Variants in PEX3 observed in about 807,000 individuals in gnomAD.
The protein encoded by PEX3 is peroxisomal biogenesis factor 3, also known as peroxin-3.
In PEX3, 30 loss-of-function variants were observed where a neutral mutation model predicts 55.8. The observed-to-expected ratio is 0.54, with a 90% CI of 0.40 to 0.73. The LOEUF (loss-of-function observed/expected upper bound fraction) is 0.73, where lower values mean the gene tolerates loss of function less well. Ranked by LOEUF, PEX3 falls within the 30% of genes least tolerant of loss-of-function variation. PEX3 has a pLI of 0.00. For synonymous variants in PEX3, 135 were observed against 148.4 expected (o/e 0.91, Z 0.66); for missense variants, 351 against 432.8 (o/e 0.81, Z 1.68).
rs1485736719 is a variant in PEX3 at position 143,485,460 on chromosome 6, A to C, written c.1038+212A>C. Reference sequence around the variant, plus strand: ...TTTGGAGTACCTTTCTCCGTGTTGTAGTCCAACACTGTGGGACTACATTTT... The same window carrying C: ...TTTGGAGTACCTTTCTCCGTGTTGTCGTCCAACACTGTGGGACTACATTTT... On this transcript the variant is annotated intron_variant, in intron 11 of 11. Coordinates refer to ENST00000367591, the MANE Select transcript of PEX3 (RefSeq NM_003630.3). The surrounding 1 kb of genome is among the most constrained non-coding windows in gnomAD (Gnocchi z 5.6). Among the ~76,000 whole-genome samples the C allele has an allele frequency of 6.6e-6, 1 of 152,086 alleles. No homozygotes were observed. Among genetic ancestry groups the C allele is most frequent in the Non-Finnish European group, 1.5e-5 (1 of 67,988 alleles).
At chr6:143,467,573 T>A (rs1323688372) in intron 3 of PEX3, among the ~76,000 whole-genome samples, 3 of 152,072 alleles carry the variant, frequency 2.0e-5, no homozygotes, top group Non-Finnish European at 4.4e-5. Context: ...GAATAAGTTT[T>A]CATGTCAGAA....
intron 3 of PEX3, among the ~76,000 whole-genome samples, chr6:143,467,525 T>C (rs1780008892): frequency 6.6e-6 from 1 of 152,122 alleles, no homozygotes; most frequent in Admixed American, 6.5e-5. Context: ...AAATTGGTGA[T>C]ATCAAGTCTG....
At position 143,466,272 on chromosome 6, in the gene PEX3, T is replaced by C. The variant is rs1392802066; in HGVS notation, c.288-1850T>C. On this transcript the variant is annotated intron_variant, in intron 3 of 11. Coordinates refer to ENST00000367591, the MANE Select transcript of PEX3 (RefSeq NM_003630.3). This position sits in a 1 kb window ranked among gnomAD's most constrained non-coding sequence, Gnocchi z 5.4. The stretch of plus-strand genomic sequence containing the variant: ...TTCCAGAAATAAACAATTCCTAAGC[T>C]TTCAGTTGTGTGCCATTGTGAATAA... Among the ~76,000 whole-genome samples, 3 of 152,068 alleles carry C rather than the reference T, an allele frequency of 2.0e-5. No homozygotes were observed. Among genetic ancestry groups the C allele is most frequent in the Non-Finnish European group, 4.4e-5 (3 of 67,916 alleles).
At position 143,451,179 on chromosome 6, in the gene PEX3, A is replaced by G; in HGVS notation, c.73+64A>G. ...GGGGGTGGGAGAGGTGACTTCTTCTAAAATAAGGACAGGCCGGGCGATCCT... is the reference window on the plus strand; with the variant it reads ...GGGGGTGGGAGAGGTGACTTCTTCTGAAATAAGGACAGGCCGGGCGATCCT... On this transcript the variant is annotated intron_variant, in intron 1 of 11. Transcript: ENST00000367591. This position sits in a 1 kb window ranked among gnomAD's most constrained non-coding sequence, Gnocchi z 4.1. 8.8e-7 allele frequency: 1 copy of G among 1,135,896 alleles called. No individual in the cohort carries two copies. Among genetic ancestry groups the G allele is most frequent in the Non-Finnish European group, 1.3e-6 (1 of 745,110 alleles). 70.4% of individuals were successfully genotyped at this position (1,135,896 alleles called of 1,614,324 possible). A position where few individuals can be genotyped will look rare whatever the true frequency, so the allele number is the denominator to read the frequency against.
In PEX3 at chr6:143,462,788, G is replaced by T; in HGVS notation, c.206-128G>T. 1.4e-6 allele frequency: 1 copy of T among 723,166 alleles called. No homozygotes were observed. Among genetic ancestry groups the T allele is most frequent in the Non-Finnish European group, 2.6e-6 (1 of 391,588 alleles). 44.8% of individuals were successfully genotyped at this position (723,166 alleles called of 1,614,324 possible). A position where few individuals can be genotyped will look rare whatever the true frequency, so the allele number is the denominator to read the frequency against. Reference sequence around the variant, plus strand: ...TAATAATAATAATTTGAATCGTCTAGCCCTGACTTTCCCTTCTGACTCTTG... The same window carrying T: ...TAATAATAATAATTTGAATCGTCTATCCCTGACTTTCCCTTCTGACTCTTG... On this transcript the variant is annotated intron_variant, in intron 2 of 11. Transcript: ENST00000367591. This position sits in a 1 kb window ranked among gnomAD's most constrained non-coding sequence, Gnocchi z 4.1.
Position 143,489,239 on chromosome 6 carries a change from G to A in PEX3, c.*13G>A. On this transcript the variant is annotated 3_prime_UTR_variant, in exon 12 of 12. Coordinates refer to ENST00000367591, the MANE Select transcript of PEX3 (RefSeq NM_003630.3). The surrounding 1 kb of genome is among the most constrained non-coding windows in gnomAD (Gnocchi z 5.5). ...ACTGGAGAAATGATTTTTCCTTCAA[G>A]AAAAACTACAGTGGGATTCATTTAC... 1 of 1,435,674 alleles carries A rather than the reference G, an allele frequency of 7.0e-7. No homozygotes were observed. Among genetic ancestry groups the A allele is most frequent in the South Asian group, 1.1e-5 (1 of 87,530 alleles). 88.9% of individuals were successfully genotyped at this position (1,435,674 alleles called of 1,614,324 possible). A position where few individuals can be genotyped will look rare whatever the true frequency, so the allele number is the denominator to read the frequency against.
At position 143,482,197 on chromosome 6, in the gene PEX3, A is replaced by G. The variant is rs1780250876; in HGVS notation, c.942-2955A>G. Among the ~76,000 whole-genome samples, 1 of 152,146 alleles carries G rather than the reference A, an allele frequency of 6.6e-6. No homozygotes were observed. The stretch of plus-strand genomic sequence containing the variant: ...TTTTTTCTATACTTATATCTTGAAA[A>G]TAGGTAACTTTTACTGTTGGATAGC... On this transcript the variant is annotated intron_variant, in intron 10 of 11. Transcript: ENST00000367591. This position sits in a 1 kb window ranked among gnomAD's most constrained non-coding sequence, Gnocchi z 5.5.
chr6:143,480,295 T>C (rs1199826704), intron 10 of PEX3, among the ~76,000 whole-genome samples: 3 of 152,208 alleles, frequency 2.0e-5, no homozygotes, highest in African/African-American at 4.8e-5. Flanking sequence ...AATCTGTATA[T>C]AGCAAGATAT....
At chr6:143,468,808 C>CCA (rs1562653849) in intron 4 of PEX3, among the ~76,000 whole-genome samples, 3 of 16,588 alleles carry the variant, frequency 1.8e-4, no homozygotes. Context: ...CTATCCCCCC[C>CCA]CCCCCCACCC....
rs893553969 is a variant in PEX3, at chr6:143,466,491, A to G, written c.288-1631A>G. 1.3e-5 allele frequency among the ~76,000 whole-genome samples: 2 copies of G among 152,042 alleles called. No homozygotes were observed. Among genetic ancestry groups the G allele is most frequent in the African/African-American group, 4.8e-5 (2 of 41,424 alleles). On this transcript the variant is annotated intron_variant, in intron 3 of 11. Coordinates refer to ENST00000367591, the MANE Select transcript of PEX3 (RefSeq NM_003630.3). The surrounding 1 kb of genome is among the most constrained non-coding windows in gnomAD (Gnocchi z 5.4). Reference sequence around the variant, plus strand: ...GATGCTGGCATATTACGGTTGTGCTATTTTATTGTGAGTTATTGTTGTTAA... The same window carrying G: ...GATGCTGGCATATTACGGTTGTGCTGTTTTATTGTGAGTTATTGTTGTTAA...
At position 143,453,235 on chromosome 6, in the gene PEX3, T is replaced by C. The variant is rs1442364635; in HGVS notation, c.73+2120T>C. 6.6e-6 allele frequency among the ~76,000 whole-genome samples: 1 copy of C among 152,180 alleles called. No individual in the cohort carries two copies. The highest frequency in any genetic ancestry group is 1.5e-5 in the Non-Finnish European group (1 of 68,034). On this transcript the variant is annotated intron_variant, in intron 1 of 11. Coordinates refer to ENST00000367591, the MANE Select transcript of PEX3 (RefSeq NM_003630.3). The surrounding 1 kb of genome is among the most constrained non-coding windows in gnomAD (Gnocchi z 4.6). ...GTACAGATCACACTGGCAAGTAGCA[T>C]ATGCAGTTGTGAAAAATCAGGAAGA... is the stretch of plus-strand genomic sequence containing the variant.
intron 8 of PEX3, among the ~76,000 whole-genome samples, chr6:143,473,116 A>T (rs1780098071): frequency 6.6e-6 from 1 of 152,200 alleles, no homozygotes; most frequent in Non-Finnish European, 1.5e-5. Context: ...GAGGCCCCCT[A>T]TGCCATACCT....
intron 4 of PEX3, among the ~76,000 whole-genome samples, chr6:143,470,191 G>A (rs564372882): frequency 4.6e-5 from 7 of 152,050 alleles, no homozygotes; most frequent in Admixed American, 1.3e-4. Context: ...CTTGTGATCC[G>A]CCCGCCTCGG....
rs143161143 is a variant in PEX3, at chr6:143,465,704, G to A, written c.288-2418G>A. Among the ~76,000 whole-genome samples the A allele has an allele frequency of 2.7e-4, 41 of 152,040 alleles. No individual in the cohort carries two copies. In the East Asian group the frequency reaches 4.8e-3, roughly 18 times the overall value. ...ATCCGAATACATATGACATTCTGCC[G>A]TGAGTCTTGAACACTAGATTAGATT... On this transcript the variant is annotated intron_variant, in intron 3 of 11. Transcript: ENST00000367591. The surrounding 1 kb of genome is among the most constrained non-coding windows in gnomAD (Gnocchi z 4.7).
At chr6:143,460,883 AAGTAAAATG>A (rs1779908912) in intron 2 of PEX3, among the ~76,000 whole-genome samples, 1 of 150,512 alleles carries the variant, frequency 6.6e-6, no homozygotes, top group Non-Finnish European at 1.5e-5. Flanking sequence ...AAAAAAAAAA[AAGTAAAATG>A]TAGCTGCTGG....
In PEX3 at chr6:143,479,362, C is replaced by A. The variant is rs538387497; in HGVS notation, c.941+164C>A. Among the ~76,000 whole-genome samples, 1 of 152,082 alleles carries A rather than the reference C, an allele frequency of 6.6e-6. No homozygotes were observed. The highest frequency in any genetic ancestry group is 2.1e-4 in the South Asian group (1 of 4,830). On this transcript the variant is annotated intron_variant, in intron 10 of 11. Transcript: ENST00000367591. The surrounding 1 kb of genome is among the most constrained non-coding windows in gnomAD (Gnocchi z 4.6). ...CCAACAACTTCTTCACTAGCAGAAG[C>A]TCCTTCTTGGTTTCAGTATTAAAAC...
chr6:143,472,993 G>A (rs1780096095), intron 8 of PEX3, among the ~76,000 whole-genome samples: 1 of 152,172 alleles, frequency 6.6e-6, no homozygotes, highest in African/African-American at 2.4e-5. Flanking sequence ...CAGATTGCAG[G>A]TTATGGCTCA....
In PEX3 at chr6:143,479,345, T is replaced by A; in HGVS notation, c.941+147T>A. On this transcript the variant is annotated intron_variant, in intron 10 of 11. Transcript: ENST00000367591. The surrounding 1 kb of genome is among the most constrained non-coding windows in gnomAD (Gnocchi z 4.6). ...AATTAAACTCTGTTAAACCAACAAC[T>A]TCTTCACTAGCAGAAGCTCCTTCTT... 1 of 634,148 alleles carries A rather than the reference T, an allele frequency of 1.6e-6. No homozygotes were observed. Among genetic ancestry groups the A allele is most frequent in the Non-Finnish European group, 2.8e-6 (1 of 353,098 alleles). The allele number at this position is 634,148 out of a possible 1,614,324, so 39.3% of individuals were successfully genotyped here.
rs1289630340 is a variant in PEX3, at chr6:143,486,025, C to T, written c.1038+777C>T. Among the ~76,000 whole-genome samples, 1 of 152,104 alleles carries T rather than the reference C, an allele frequency of 6.6e-6. No individual in the cohort carries two copies. Among genetic ancestry groups the T allele is most frequent in the Non-Finnish European group, 1.5e-5 (1 of 68,004 alleles). ...TGTCTCAGACAATTTAGTGTATCCT[C>T]TCTGTAGACTTTTTACTCTTGGGAA... On this transcript the variant is annotated intron_variant, in intron 11 of 11. Transcript: ENST00000367591. The surrounding 1 kb of genome is among the most constrained non-coding windows in gnomAD (Gnocchi z 5.0).
Sources: gnomAD v4.1 joint callset for allele counts (sites outside exome capture counted in the v4.1 genomes callset) on GRCh38, gnomAD v4.1.1 for gene constraint, Gnocchi (gnomAD v3.1) non-coding constraint, MANE v1.5 for transcripts, NCBI Gene and HGNC (gene_info 2026-07-23, HGNC 2026-07-21) for gene names.